ANKDD1A: variants seen among roughly 807,000 people sequenced by gnomAD.
ANKDD1A encodes the protein ankyrin repeat and death domain containing 1A.
A neutral mutation model predicts 63.5 loss-of-function variants in ANKDD1A; 59 were observed. The observed-to-expected ratio is 0.93, with a 90% confidence interval of 0.75 to 1.15. The LOEUF (loss-of-function observed/expected upper bound fraction) is 1.15. ANKDD1A is among the 50% of genes most tolerant of loss of function. ANKDD1A has a pLI of 0.00. For missense variants in ANKDD1A, 632 were observed against 656.4 expected, an observed-to-expected ratio of 0.96 and a Z score of 0.41; for synonymous variants, 266 against 263.9, an observed-to-expected ratio of 1.01 and a Z score of -0.08.
chr15:64,926,038 G>A, intron 4 of ANKDD1A, 28 bp from the exon 5 acceptor site: 1 of 1,600,796 alleles, frequency 6.2e-7, no homozygotes. Flanking sequence ...TTCACAGACT[G>A]CAGGAACCCT....
At chr15:64,953,628 T>TTCTTTTC (rs1472903050) in intron 14 of ANKDD1A, among the ~76,000 whole-genome samples, 3 of 125,632 alleles carry the variant, frequency 2.4e-5, no homozygotes, top group Admixed American at 8.7e-5. Context: ...CTTCTTCTTC[T>TTCTTTTC]TCCTTCTTCT....
intron 4 of ANKDD1A, 87 bp from the exon 5 acceptor site, chr15:64,925,979 C>T (rs886815914): frequency 8.8e-6 from 11 of 1,254,266 alleles, no homozygotes; most frequent in East Asian, 5.1e-5. Flanking sequence ...GTTCTGGGTC[C>T]CAAACACTCG....
chr15:64,942,654 C>G, intron 10 of ANKDD1A, 89 bp downstream of exon 10: 1 of 933,618 alleles, frequency 1.1e-6, no homozygotes, highest in South Asian at 1.8e-5. Flanking sequence ...CCTAGCATGG[C>G]CCAGAGTTGA....
In ANKDD1A at chr15:64,957,092, C is replaced by T. The variant is rs1008962756; in HGVS notation, c.1484-11C>T. 11 of 449,254 alleles carry T rather than the reference C, an allele frequency of 2.4e-5. No homozygotes were observed. In the Middle Eastern group the frequency reaches 2.1e-3, roughly 85 times the overall value. The allele number at this position is 449,254 out of a possible 1,614,324, so 27.8% of individuals were successfully genotyped here. ...TTTTGTTTTTTGAGACAGTCTTGCT[C>T]TCTCACCCAGGCTGGAGTACAATGG... is the stretch of plus-strand genomic sequence containing the variant. On this transcript the variant is annotated splice_polypyrimidine_tract_variant and intron_variant, in intron 14 of 14. Transcript: ENST00000319580.
At chr15:64,952,961 C>T (rs1450232045) in intron 14 of ANKDD1A, among the ~76,000 whole-genome samples, 10 of 84,626 alleles carry the variant, frequency 1.2e-4, no homozygotes, top group Admixed American at 4.0e-4. Context: ...CTTTCTTCCT[C>T]TTCTTCTTTT....
rs2085429114 is a variant in ANKDD1A at position 64,957,539 on chromosome 15, C to T, written c.*351C>T. On this transcript the variant is annotated 3_prime_UTR_variant, in exon 15 of 15. Transcript: ENST00000319580. Reference sequence around the variant, plus strand: ...AGTCTCATATTCATGCTTTTCTTCACAGCACTATAAAGTTGGACTTGGAAA... The same window carrying T: ...AGTCTCATATTCATGCTTTTCTTCATAGCACTATAAAGTTGGACTTGGAAA... 6.5e-6 allele frequency: 1 copy of T among 153,872 alleles called. No homozygotes were observed. Among genetic ancestry groups the T allele is most frequent in the Non-Finnish European group, 1.4e-5 (1 of 69,084 alleles). 9.5% of individuals were successfully genotyped at this position (153,872 alleles called of 1,614,324 possible).
intron 13 of ANKDD1A, 45 bp from the exon 14 acceptor site, chr15:64,949,796 C>A: frequency 6.3e-7 from 1 of 1,591,912 alleles, no homozygotes; most frequent in South Asian, 1.1e-5. Context: ...CAAGTGGCCC[C>A]ATTGGCTCCT....
intron 4 of ANKDD1A, 26 bp downstream of exon 4, chr15:64,922,045 G>A (rs2085010944): frequency 6.2e-7 from 1 of 1,607,702 alleles, no homozygotes; most frequent in African/African-American, 1.3e-5. Context: ...GTAGACCCCT[G>A]TCCCCTCGGC....
chr15:64,924,562 C>T (rs967091454), intron 4 of ANKDD1A, among the ~76,000 whole-genome samples: 1 of 152,252 alleles, frequency 6.6e-6, no homozygotes, highest in Non-Finnish European at 1.5e-5. Flanking sequence ...TGCCCTAAAG[C>T]TTTCTCCTTT....
chr15:64,952,519 T>TCTTCTTCTC (rs1555366970), intron 14 of ANKDD1A, among the ~76,000 whole-genome samples: 4 of 145,040 alleles, frequency 2.8e-5, no homozygotes, highest in Non-Finnish European at 6.0e-5. Context: ...CTTACTTTCT[T>TCTTCTTCTC]CTTCCTTCGT....
chr15:64,949,760 A>G (rs1433024736), intron 13 of ANKDD1A, 81 bp from the exon 14 acceptor site: 3 of 1,560,042 alleles, frequency 1.9e-6, no homozygotes, highest in Non-Finnish European at 2.6e-6. Flanking sequence ...GAGGCGGTGC[A>G]GGGTGGCATA....
At chr15:64,947,342 G>C in intron 12 of ANKDD1A, 62 bp from the exon 13 acceptor site, 1 of 1,555,358 alleles carries the variant, frequency 6.4e-7, no homozygotes, top group South Asian at 1.2e-5. Context: ...GCCTCGGCTC[G>C]GCACTGCCCC....
rs149400321 is a variant in ANKDD1A at position 64,953,628 on chromosome 15, T to TTTC, written c.1484-3474_1484-3473insTCT. ...CTTTCTTCTCTCCTTCTTCTTCTTCTTCCTTCTTCTTCCTCTTCCTTCTCC... is the reference window on the plus strand; with the variant it reads ...CTTTCTTCTCTCCTTCTTCTTCTTCTTTCTCCTTCTTCTTCCTCTTCCTTCTCC... On this transcript the variant is annotated intron_variant, in intron 14 of 14. Coordinates refer to ENST00000319580, the MANE Select transcript of ANKDD1A (RefSeq NM_182703.6). Among the ~76,000 whole-genome samples the TTTC allele has an allele frequency of 7.3e-4, 92 of 125,748 alleles. 1 individual carries two copies. The highest frequency in any genetic ancestry group is 5.4e-3 in the Middle Eastern group (1 of 186). 82.5% of individuals were successfully genotyped at this position (125,748 alleles called of 152,430 possible). A position where few individuals can be genotyped will look rare whatever the true frequency, so the allele number is the denominator to read the frequency against.
chr15:64,953,889 CCTCTT>C (rs2085364797), intron 14 of ANKDD1A, among the ~76,000 whole-genome samples: 1 of 114,990 alleles, frequency 8.7e-6, no homozygotes, highest in South Asian at 3.0e-4. Context: ...CTTTCTTCTT[CCTCTT>C]TTCTTTCTTC....
chr15:64,944,735 C>T lies in ANKDD1A; in HGVS notation c.1149C>T (p.Tyr383=), dbSNP rs768864818. 1.2e-6 allele frequency: 2 copies of T among 1,614,032 alleles called. No homozygotes were observed. Among genetic ancestry groups the T allele is most frequent in the Admixed American group, 3.3e-5 (2 of 60,016 alleles). ...TGATCATAAAAGCTGATCGTTTCTACAGATGGGAGAAGGTACGGAGGCCTC... is the reference window on the plus strand; with the variant it reads ...TGATCATAAAAGCTGATCGTTTCTATAGATGGGAGAAGGTACGGAGGCCTC... ...VDMIIKADRF[Y]RWEKDHPSDP... The change falls in exon 12 of 15, where the codon TAC becomes TAT. Residue 383 remains tyrosine, a synonymous_variant. Transcript: ENST00000319580.
chr15:64,931,442 G>C (rs1167775304), intron 7 of ANKDD1A, 45 bp from the exon 8 acceptor site: 3 of 1,577,790 alleles, frequency 1.9e-6, no homozygotes, highest in East Asian at 2.3e-5. Context: ...GTCACTTGGG[G>C]GTGGGCCTCC....
At chr15:64,933,802 A>AG (rs1340166533) in intron 8 of ANKDD1A, among the ~76,000 whole-genome samples, 1 of 151,922 alleles carries the variant, frequency 6.6e-6, no homozygotes, top group East Asian at 1.9e-4. Context: ...AGATTGTGCC[A>AG]TGTACTCCAG....
At chr15:64,920,760 C>G (rs1567110135) in intron 3 of ANKDD1A, among the ~76,000 whole-genome samples, 1 of 152,060 alleles carries the variant, frequency 6.6e-6, no homozygotes, top group African/African-American at 2.4e-5. Flanking sequence ...ATTGCCCAGG[C>G]TGGTCTTGAA....
chr15:64,953,628 T>TTCTTAGTTCTTCTTAGTTCCTTCTTTC (rs1472903050), intron 14 of ANKDD1A, among the ~76,000 whole-genome samples: 1 of 125,630 alleles, frequency 8.0e-6, no homozygotes, highest in African/African-American at 2.9e-5. Flanking sequence ...CTTCTTCTTC[T>TTCTTAGTTCTTCTTAGTTCCTTCTTTC]TCCTTCTTCT....
Sources: gnomAD v4.1 joint callset for allele counts (sites outside exome capture counted in the v4.1 genomes callset) on GRCh38, gnomAD v4.1.1 for gene constraint, MANE v1.5 for transcripts, NCBI Gene and HGNC (gene_info 2026-07-23, HGNC 2026-07-21) for gene names.